FAM131C: variants seen among roughly 807,000 people sequenced by gnomAD.
FAM131C encodes protein FAM131C.
A neutral mutation model predicts 29.8 loss-of-function variants in FAM131C; 14 were observed. The observed-to-expected ratio is 0.47, with a 90% CI of 0.31 to 0.73. The LOEUF (loss-of-function observed/expected upper bound fraction) is 0.73, where lower values mean the gene tolerates loss of function less well. Ranked by LOEUF, FAM131C falls within the 30% of genes least tolerant of loss-of-function variation. FAM131C has a pLI of 0.05. For missense variants in FAM131C, 252 were observed against 383.8 expected (o/e 0.66, Z 2.87); for synonymous variants, 86 against 157.8 (o/e 0.54, Z 3.41).
rs370377410 is a variant in FAM131C, at chr1:16,063,564, G to A, written c.95C>T (p.Ser32Leu). Residue 32 changes from serine to leucine, a missense_variant, in exon 2 of 7, where the codon TCG becomes TTG. Around this residue, in one of 6 missense-constraint regions of FAM131C, gnomAD observed 76 missense variants for 62.8 expected, o/e 1.21. Coordinates refer to ENST00000375662, the MANE Select transcript of FAM131C (RefSeq NM_182623.3). Reference protein sequence around the residue: ...GADPLNPDLPSGRTPTVAPDC... With the variant: ...GADPLNPDLPLGRTPTVAPDC... ...TGGAGCCACGGTGGGAGTGCGGCCC[G>A]AGGGCAGATCTGGGTTCAAGGGGTC... is the stretch of plus-strand genomic sequence containing the variant. 5.0e-5 allele frequency: 80 copies of A among 1,613,820 alleles called. 1 individual carries two copies. The highest frequency in any genetic ancestry group is 3.7e-4 in the Admixed American group (22 of 59,982).
At chr1:16,072,658 A>C (rs1052756821) in intron 1 of FAM131C, among the ~76,000 whole-genome samples, 1 of 152,100 alleles carries the variant, frequency 6.6e-6, no homozygotes, top group African/African-American at 2.4e-5. Context: ...CCCATCCCCC[A>C]ATCTCTGTGC....
In FAM131C at chr1:16,058,227, AGGGGGTT is replaced by A; in HGVS notation, c.*203_*209del. Reference sequence around the variant, plus strand: ...CACCTGAGTGAAGTAATGAAGGGGGAGGGGGTTATGGCTCCCACTGCTGGGGCAGGTC... The same window carrying A: ...CACCTGAGTGAAGTAATGAAGGGGGAATGGCTCCCACTGCTGGGGCAGGTC... On this transcript the variant is annotated 3_prime_UTR_variant, in exon 7 of 7. Coordinates refer to ENST00000375662, the MANE Select transcript of FAM131C (RefSeq NM_182623.3). 1 of 414,438 alleles carries A rather than the reference AGGGGGTT, an allele frequency of 2.4e-6. No individual in the cohort carries two copies. The highest frequency in any genetic ancestry group is 6.2e-4 in the Middle Eastern group (1 of 1,624). 25.7% of individuals were successfully genotyped at this position (414,438 alleles called of 1,614,324 possible).
intron 1 of FAM131C, among the ~76,000 whole-genome samples, chr1:16,068,491 G>A (rs779591602): frequency 6.0e-4 from 92 of 152,346 alleles, no homozygotes; most frequent in Non-Finnish European, 1.0e-3. Flanking sequence ...AGCTGGCTCT[G>A]GAGGCTCCGC....
chr1:16,065,196 C>T (rs1281756769), intron 1 of FAM131C, among the ~76,000 whole-genome samples: 1 of 149,806 alleles, frequency 6.7e-6, no homozygotes, highest in African/African-American at 2.6e-5. Context: ...ATTCCCAATT[C>T]CAGGTCCACC....
intron 1 of FAM131C, among the ~76,000 whole-genome samples, chr1:16,064,482 C>T (rs2023648545): frequency 6.6e-6 from 1 of 152,152 alleles, no homozygotes; most frequent in Non-Finnish European, 1.5e-5. Context: ...AGGCTCTGCT[C>T]TCCCTCCTGC....
intron 1 of FAM131C, among the ~76,000 whole-genome samples, chr1:16,070,763 T>C (rs766515006): frequency 1.3e-5 from 2 of 152,232 alleles, no homozygotes; most frequent in Non-Finnish European, 2.9e-5. Flanking sequence ...AGCAACCCTA[T>C]GACATCAATA....
At position 16,073,392 on chromosome 1, in the gene FAM131C, TC is replaced by T. The variant is rs1422363094; in HGVS notation, c.22+28del. ...GACTGCGCGGGTCCCCGGCACCCGATCCCCCCGCCCCCGGCCGGGCCCCCTC... is the reference window on the plus strand; with the variant it reads ...GACTGCGCGGGTCCCCGGCACCCGATCCCCCGCCCCCGGCCGGGCCCCCTC... On this transcript the variant is annotated intron_variant, in intron 1 of 6. Coordinates refer to ENST00000375662, the MANE Select transcript of FAM131C (RefSeq NM_182623.3). The T allele has an allele frequency of 5.1e-6, 6 of 1,184,950 alleles. No individual in the cohort carries two copies. In the Admixed American group the frequency reaches 1.3e-4, roughly 26 times the overall value. 73.4% of individuals were successfully genotyped at this position (1,184,950 alleles called of 1,614,324 possible).
chr1:16,072,223 C>T (rs542022703), intron 1 of FAM131C, among the ~76,000 whole-genome samples: 44 of 152,324 alleles, frequency 2.9e-4, no homozygotes, highest in African/African-American at 9.9e-4. Context: ...ACAGCCTGAC[C>T]CTGTACCTTC....
Position 16,059,261 on chromosome 1 carries a change from G to A in FAM131C, c.562+233C>T, listed in dbSNP as rs1301776748. On this transcript the variant is annotated intron_variant, in intron 6 of 6. Transcript: ENST00000375662. The stretch of plus-strand genomic sequence containing the variant: ...GTGAGGTGCCTCGTGCACAGCCCTC[G>A]GTGTGGTAAGCGCTCGATTCCCGCC... Among the ~76,000 whole-genome samples the A allele has an allele frequency of 3.3e-5, 5 of 149,724 alleles. No individual in the cohort carries two copies. The South Asian group carries it at 6.8e-4, about 20-fold the overall frequency.
intron 1 of FAM131C, 89 bp from the exon 2 acceptor site, chr1:16,063,725 A>G (rs1334914645): frequency 4.2e-5 from 34 of 817,736 alleles, no homozygotes; most frequent in South Asian, 3.1e-4. Context: ...TAAGGTGAGT[A>G]TGGCCTTGTT....
Position 16,062,178 on chromosome 1 carries a change from G to T in FAM131C, c.189C>A (p.Thr63=), listed in dbSNP as rs768522696. Reference sequence around the variant, plus strand: ...TGGAGTCGGACAGGTAGCCGTTGGTGGTCTGGAAGCACCTCTGGAGGAAGT... The same window carrying T: ...TGGAGTCGGACAGGTAGCCGTTGGTTGTCTGGAAGCACCTCTGGAGGAAGT... The part of the protein sequence containing the change: ...CWDPWQRCFQ[T]TNGYLSDSRS... Residue 63 remains threonine, a synonymous_variant, in exon 4 of 7, where the codon ACC becomes ACA. Coordinates refer to ENST00000375662, the MANE Select transcript of FAM131C (RefSeq NM_182623.3). The T allele has an allele frequency of 2.5e-6, 4 of 1,611,510 alleles. No homozygotes were observed. In the East Asian group the frequency reaches 8.9e-5, roughly 36 times the overall value.
intron 4 of FAM131C, among the ~76,000 whole-genome samples, chr1:16,061,213 A>G (rs2023588740): frequency 6.6e-6 from 1 of 151,942 alleles, no homozygotes; most frequent in Non-Finnish European, 1.5e-5. Flanking sequence ...TAAGTTGGGG[A>G]GTGTTGGCAA....
intron 4 of FAM131C, 54 bp from the exon 5 acceptor site, chr1:16,060,105 G>T (rs1410636520): frequency 5.1e-6 from 5 of 971,426 alleles, no homozygotes; most frequent in Non-Finnish European, 7.4e-6. Flanking sequence ...TCAGCGCAGG[G>T]CCTGGCCCCC....
At chr1:16,069,180 C>T (rs1298277485) in intron 1 of FAM131C, among the ~76,000 whole-genome samples, 1 of 152,178 alleles carries the variant, frequency 6.6e-6, no homozygotes, top group Non-Finnish European at 1.5e-5. Flanking sequence ...AAAGCTTGTG[C>T]CCCAACCACT....
At chr1:16,070,320 G>A (rs1286285895) in intron 1 of FAM131C, among the ~76,000 whole-genome samples, 1 of 152,192 alleles carries the variant, frequency 6.6e-6, no homozygotes, top group Non-Finnish European at 1.5e-5. Flanking sequence ...ATGCAAAATA[G>A]CTCCTGGAAA....
At position 16,063,680 on chromosome 1, in the gene FAM131C, T is replaced by C. The variant is rs539375291; in HGVS notation, c.23-44A>G. On this transcript the variant is annotated intron_variant, in intron 1 of 6. Coordinates refer to ENST00000375662, the MANE Select transcript of FAM131C (RefSeq NM_182623.3). ...GGAGGAACTCAGCAAAGCCCAGCCC[T>C]CTCTTGCTTACAAAGCATGTTCAAG... The C allele has an allele frequency of 7.2e-5, 99 of 1,375,618 alleles. No homozygotes were observed. In the South Asian group the frequency reaches 8.6e-4, roughly 12 times the overall value. The allele number at this position is 1,375,618 out of a possible 1,614,324, so 85.2% of individuals were successfully genotyped here.
chr1:16,071,434 A>G (rs1016001422), intron 1 of FAM131C, among the ~76,000 whole-genome samples: 2 of 152,242 alleles, frequency 1.3e-5, no homozygotes, highest in African/African-American at 4.8e-5. Flanking sequence ...TTATCTGCCT[A>G]AAACTTTCAG....
intron 6 of FAM131C, 27 bp downstream of exon 6, chr1:16,059,467 C>G (rs1557477089): frequency 6.2e-7 from 1 of 1,608,928 alleles, no homozygotes; most frequent in African/African-American, 1.3e-5. Flanking sequence ...CTGCCCACCC[C>G]CGCCCCCTGG....
At chr1:16,063,459 G>A (rs772236479) in intron 2 of FAM131C, 62 bp downstream of exon 2, 46 of 1,274,284 alleles carry the variant, frequency 3.6e-5, no homozygotes, top group Non-Finnish European at 5.1e-5. Context: ...TGCTCCCTGC[G>A]GGGAGGAGAC....
Sources: allele counts gnomAD v4.1 joint callset (sites outside exome capture counted in the v4.1 genomes callset), GRCh38; gene constraint gnomAD v4.1.1; regional missense constraint gnomAD v4.1.1; transcripts MANE v1.5; gene names NCBI Gene and HGNC (gene_info 2026-07-23, HGNC 2026-07-21).